The following SUCLA2 variants were observed in gnomAD, a reference collection of about 807,000 sequenced individuals.
SUCLA2 encodes succinate--CoA ligase [ADP-forming] subunit beta, mitochondrial.
SUCLA2 carries 30 observed loss-of-function variants against 54.8 expected under a neutral mutation model. That is an observed-to-expected ratio of 0.55 (90% CI 0.41 to 0.74). SUCLA2 has a LOEUF of 0.74. SUCLA2 is among the 30% of genes least tolerant of loss of function. The probability of loss-of-function intolerance (pLI) is 0.00; values close to 1 mark genes in which losing one functional copy is unlikely to be tolerated. For missense variants in SUCLA2, 476 were observed against 562.9 expected, an observed-to-expected ratio of 0.85 and a Z score of 1.56; for synonymous variants, 172 against 188.9, an observed-to-expected ratio of 0.91 and a Z score of 0.74.
At chr13:47,992,476 G>A (rs1212440846) in intron 2 of SUCLA2, among the ~76,000 whole-genome samples, 1 of 151,328 alleles carries the variant, frequency 6.6e-6, no homozygotes, top group Non-Finnish European at 1.5e-5. Context: ...GAAGTCTGAG[G>A]ACAACTGGTC....
intron 6 of SUCLA2, among the ~76,000 whole-genome samples, chr13:47,962,271 C>T (rs980765011): frequency 2.6e-5 from 4 of 152,296 alleles, no homozygotes; most frequent in Middle Eastern, 3.4e-3. Flanking sequence ...TGCCTAATTT[C>T]TCCAGAATTT....
intron 10 of SUCLA2, among the ~76,000 whole-genome samples, chr13:47,943,753 TG>T (rs1192993491): frequency 1.7e-5 from 2 of 119,924 alleles, no homozygotes; most frequent in Non-Finnish European, 3.3e-5. Flanking sequence ...TATGTGTGTG[TG>T]TGTGTGTGTG....
At chr13:47,969,277 T>C (rs1009789096) in intron 5 of SUCLA2, among the ~76,000 whole-genome samples, 1 of 151,176 alleles carries the variant, frequency 6.6e-6, no homozygotes, top group Admixed American at 6.6e-5. Context: ...GAAGACCCTA[T>C]TTTACCTTTT....
At chr13:47,993,345 A>G (rs1476964027) in intron 2 of SUCLA2, among the ~76,000 whole-genome samples, 4 of 152,226 alleles carry the variant, frequency 2.6e-5, no homozygotes, top group East Asian at 1.9e-4. Context: ...TATCTACTAC[A>G]TTTATCTGTG....
chr13:47,992,388 C>CAAAA (rs35103136), intron 2 of SUCLA2, among the ~76,000 whole-genome samples: 4 of 93,086 alleles, frequency 4.3e-5, no homozygotes, highest in Non-Finnish European at 8.1e-5. Context: ...ACAACGAAAG[C>CAAAA]AAAAAAAAAA....
intron 1 of SUCLA2, among the ~76,000 whole-genome samples, chr13:47,999,430 G>A (rs578027255): frequency 4.6e-5 from 7 of 152,264 alleles, no homozygotes; most frequent in Admixed American, 2.6e-4. Context: ...AAAACAGGCC[G>A]GGTGCGGTGG....
intron 2 of SUCLA2, 24 bp downstream of exon 2, chr13:47,996,819 C>T: frequency 6.2e-7 from 1 of 1,611,534 alleles, no homozygotes; most frequent in Non-Finnish European, 8.5e-7. Context: ...GTCAAGGTGG[C>T]AAAAGCTTTT....
At chr13:48,001,120 C>A (rs867036955) in intron 1 of SUCLA2, 60 bp downstream of exon 1, 1 of 1,558,500 alleles carries the variant, frequency 6.4e-7, no homozygotes, top group Middle Eastern at 1.7e-4. Flanking sequence ...CACGGGACCC[C>A]TCACACCTCA....
intron 2 of SUCLA2, among the ~76,000 whole-genome samples, chr13:47,996,082 G>C (rs1218567683): frequency 6.6e-6 from 1 of 152,084 alleles, no homozygotes; most frequent in East Asian, 1.9e-4. Flanking sequence ...CCAGCACTTT[G>C]GGAGGCGGAG....
intron 1 of SUCLA2, among the ~76,000 whole-genome samples, chr13:47,997,943 A>C (rs1408149985): frequency 6.6e-6 from 1 of 152,230 alleles, no homozygotes; most frequent in Non-Finnish European, 1.5e-5. Context: ...ATCTGCATTC[A>C]TAACAAGTCA....
intron 8 of SUCLA2, 42 bp downstream of exon 8, chr13:47,954,098 T>C (rs1289801442): frequency 1.4e-6 from 2 of 1,416,586 alleles, no homozygotes; most frequent in Admixed American, 4.7e-5. Flanking sequence ...ATTTATTTTA[T>C]ATATTTACAT....
intron 10 of SUCLA2, among the ~76,000 whole-genome samples, chr13:47,946,799 C>T (rs1430610969): frequency 2.6e-5 from 4 of 151,266 alleles, no homozygotes; most frequent in Admixed American, 2.0e-4. Flanking sequence ...AGGGACAAAG[C>T]AAATGAATAA....
Position 47,996,982 on chromosome 13 carries a change from T to G in SUCLA2, c.132A>C (p.Gln44His), listed in dbSNP as rs146794237. The change falls in exon 2 of 11, where the codon CAA (glutamine) becomes CAC (histidine). Residue 44 changes from glutamine (Q) to histidine (H), a missense_variant. Physicochemically the swap from Gln to His is conservative, Grantham distance 24. Around this residue, in one of 2 missense-constraint regions of SUCLA2, gnomAD observed 134 missense variants for 118.7 expected, o/e 1.13. Transcript: ENST00000646932. Reference protein sequence around the residue: ...SSGLFNNHGLQVQQQQQRNLS... With the variant: ...SSGLFNNHGLHVQQQQQRNLS... Reference sequence around the variant, plus strand: ...GATTCCTTTGCTGTTGCTGCTGTACTTGGAGTCCATGGTTATTAAACAATC... The same window carrying G: ...GATTCCTTTGCTGTTGCTGCTGTACGTGGAGTCCATGGTTATTAAACAATC... 47 of 1,614,032 alleles carry G rather than the reference T, an allele frequency of 2.9e-5. No individual in the cohort carries two copies. The highest frequency in any genetic ancestry group is 1.0e-4 in the Admixed American group (6 of 59,994).
chr13:47,971,261 T>G (rs1375523062), intron 5 of SUCLA2, among the ~76,000 whole-genome samples: 1 of 151,540 alleles, frequency 6.6e-6, no homozygotes, highest in Non-Finnish European at 1.5e-5. Context: ...AAAATACCAA[T>G]GAAAAGTTAG....
At chr13:47,952,219 C>T (rs1407397455) in intron 8 of SUCLA2, among the ~76,000 whole-genome samples, 2 of 152,080 alleles carry the variant, frequency 1.3e-5, no homozygotes, top group African/African-American at 2.4e-5. Context: ...CACCTTGGTC[C>T]TTCGATGTCA....
rs1300486540 is a variant in SUCLA2 at position 47,943,766 on chromosome 13, G to GTGTGTATATATATATATATA, written c.1318-322_1318-321insTATATATATATATATACACA. ...TGTATGTGTGTGTGTGTGTGTGTGT[G>GTGTGTATATATATATATATA]TATATATATATATATTATTCTAAAT... is the stretch of plus-strand genomic sequence containing the variant. On this transcript the variant is annotated intron_variant, in intron 10 of 10. Coordinates refer to ENST00000646932, the MANE Select transcript of SUCLA2 (RefSeq NM_003850.3). Among the ~76,000 whole-genome samples the GTGTGTATATATATATATATA allele has an allele frequency of 2.3e-3, 324 of 139,614 alleles. 1 individual carries two copies. The highest frequency in any genetic ancestry group is 7.3e-3 in the African/African-American group (273 of 37,232). 91.6% of individuals were successfully genotyped at this position (139,614 alleles called of 152,430 possible). A position where few individuals can be genotyped will look rare whatever the true frequency, so the allele number is the denominator to read the frequency against.
At chr13:47,993,943 A>G (rs1950170624) in intron 2 of SUCLA2, among the ~76,000 whole-genome samples, 1 of 151,852 alleles carries the variant, frequency 6.6e-6, no homozygotes, top group Non-Finnish European at 1.5e-5. Context: ...CTGAGGCAGG[A>G]GAACTGCTTG....
chr13:47,996,758 A>G, intron 2 of SUCLA2, 85 bp downstream of exon 2: 2 of 1,334,904 alleles, frequency 1.5e-6, no homozygotes, highest in East Asian at 4.8e-5. Context: ...AAAAAAGCTA[A>G]AAGTTGTTAT....
At chr13:47,990,660 T>C (rs1950142856) in intron 2 of SUCLA2, among the ~76,000 whole-genome samples, 1 of 152,070 alleles carries the variant, frequency 6.6e-6, no homozygotes, top group Non-Finnish European at 1.5e-5. Flanking sequence ...AGGAAGTCTC[T>C]GGGATATAAC....
Sources: gnomAD v4.1 joint callset for allele counts (sites outside exome capture counted in the v4.1 genomes callset) on GRCh38, gnomAD v4.1.1 for gene constraint, gnomAD v4.1.1 regional missense constraint, MANE v1.5 for transcripts, NCBI Gene and HGNC (gene_info 2026-07-23, HGNC 2026-07-21) for gene names.